PTER: variants seen among roughly 807,000 people sequenced by gnomAD.
The protein encoded by PTER is phosphotriesterase related.
PTER carries 38 observed loss-of-function variants against 29.6 expected under a neutral mutation model. The observed-to-expected ratio is 1.28, with a 90% confidence interval of 0.99 to 1.68. PTER has a LOEUF of 1.68. Ranked by LOEUF, PTER falls within the 40% of genes most tolerant of loss-of-function variation. PTER has a pLI of 0.00. For synonymous variants in PTER, 172 were observed against 154.5 expected (o/e 1.11, Z -0.84); for missense variants, 482 against 427.8 (o/e 1.13, Z -1.12).
intron 1 of PTER, among the ~76,000 whole-genome samples, chr10:16,465,975 A>T (rs1564392497): frequency 6.6e-6 from 1 of 151,804 alleles, no homozygotes; most frequent in Non-Finnish European, 1.5e-5. Context: ...TGCTCTAATC[A>T]CCTCCCATCT....
At chr10:16,469,601 C>G (rs1211846155) in intron 1 of PTER, among the ~76,000 whole-genome samples, 1 of 152,096 alleles carries the variant, frequency 6.6e-6, no homozygotes, top group Non-Finnish European at 1.5e-5. Flanking sequence ...TGGATGAAAT[C>G]TGAGTTCATT....
At chr10:16,508,218 G>A (rs1009023060) in intron 4 of PTER, among the ~76,000 whole-genome samples, 27 of 151,666 alleles carry the variant, frequency 1.8e-4, no homozygotes, top group African/African-American at 5.6e-4. Context: ...ACAGGCACCC[G>A]CCACCACGCC....
chr10:16,449,225 C>T (rs375759918), intron 1 of PTER, among the ~76,000 whole-genome samples: 1 of 152,250 alleles, frequency 6.6e-6, no homozygotes, highest in South Asian at 2.1e-4. Context: ...TAGTAGCCCT[C>T]ACTCTACCAT....
At position 16,509,739 on chromosome 10, in the gene PTER, T is replaced by C. The variant is rs1208070573; in HGVS notation, c.840-1307T>C. Among the ~76,000 whole-genome samples the C allele has an allele frequency of 3.9e-5, 6 of 152,296 alleles. No homozygotes were observed. The East Asian group carries it at 9.6e-4, about 24-fold the overall frequency. On this transcript the variant is annotated intron_variant, in intron 4 of 4. Transcript: ENST00000535784. ...ACTGCAGATCAGAACTTCAGGATAGTATACAAATTTCAATGAGGCAAAAAA... is the reference window on the plus strand; with the variant it reads ...ACTGCAGATCAGAACTTCAGGATAGCATACAAATTTCAATGAGGCAAAAAA...
At chr10:16,480,146 A>G (rs1835423519) in intron 1 of PTER, among the ~76,000 whole-genome samples, 1 of 150,368 alleles carries the variant, frequency 6.7e-6, no homozygotes, top group Admixed American at 6.6e-5. Flanking sequence ...GGGAAAGTCA[A>G]CTGAAAACTG....
At chr10:16,468,373 TC>T (rs930632233) in intron 1 of PTER, among the ~76,000 whole-genome samples, 3 of 92,682 alleles carry the variant, frequency 3.2e-5, no homozygotes, top group African/African-American at 1.1e-4. Flanking sequence ...AATGTTTAGC[TC>T]TTTTTTTTTT....
intron 3 of PTER, among the ~76,000 whole-genome samples, chr10:16,495,926 T>C (rs1457560565): frequency 1.3e-5 from 2 of 152,192 alleles, no homozygotes; most frequent in Non-Finnish European, 2.9e-5. Flanking sequence ...GCCTGCTCCT[T>C]GTTCTTGTTA....
intron 1 of PTER, among the ~76,000 whole-genome samples, chr10:16,482,235 G>T (rs1835506797): frequency 1.3e-5 from 2 of 152,136 alleles, no homozygotes; most frequent in African/African-American, 4.8e-5. Flanking sequence ...TAATTGCAGT[G>T]GCTTGCTATA....
intron 1 of PTER, among the ~76,000 whole-genome samples, chr10:16,465,042 A>G (rs1443161500): frequency 6.6e-6 from 1 of 152,102 alleles, no homozygotes; most frequent in East Asian, 1.9e-4. Flanking sequence ...CATGAGAAAG[A>G]CCCACCCCCA....
intron 1 of PTER, among the ~76,000 whole-genome samples, chr10:16,439,864 A>C (rs1265988890): frequency 2.0e-5 from 3 of 152,162 alleles, no homozygotes; most frequent in Non-Finnish European, 4.4e-5. Flanking sequence ...CAGCCAGCCA[A>C]CTTCAAATCT....
rs199577499 is a variant in PTER at position 16,477,298 on chromosome 10, A to AGATAGATAGATG, written c.-48-7036_-48-7035insAGATAGATGGAT. On this transcript the variant is annotated intron_variant, in intron 1 of 4. Coordinates refer to ENST00000535784, the MANE Select transcript of PTER (RefSeq NM_001261836.2). ...TAGATAGATAGATAGATAGATAGAT[A>AGATAGATAGATG]GATGGATGTCTGTCTGTCTGCACAT... Among the ~76,000 whole-genome samples the AGATAGATAGATG allele has an allele frequency of 2.4e-3, 328 of 138,754 alleles. 6 individuals are homozygous for AGATAGATAGATG. The highest frequency in any genetic ancestry group is 0.016 in the Admixed American group (230 of 14,518). The allele number at this position is 138,754 out of a possible 152,430, so 91.0% of individuals were successfully genotyped here.
Position 16,513,158 on chromosome 10 carries a change from CTT to C in PTER, c.*1903_*1904del. The C allele has an allele frequency of 6.6e-6, 1 of 152,158 alleles. No homozygotes were observed. The highest frequency in any genetic ancestry group is 1.5e-5 in the Non-Finnish European group (1 of 67,984). 9.4% of individuals were successfully genotyped at this position (152,158 alleles called of 1,614,324 possible). ...GGTAATAGAGCAACCATAGCCTTAA[CTT>C]ACAGACCTGTGAAATAAAGGGCATT... On this transcript the variant is annotated 3_prime_UTR_variant, in exon 5 of 5. Transcript: ENST00000535784.
intron 1 of PTER, among the ~76,000 whole-genome samples, chr10:16,465,915 A>G (rs988265548): frequency 7.2e-5 from 11 of 152,060 alleles, no homozygotes; most frequent in African/African-American, 2.7e-4. Context: ...ATAAGATCTC[A>G]TGAGAACCCA....
intron 1 of PTER, among the ~76,000 whole-genome samples, chr10:16,440,024 T>C (rs1833790015): frequency 6.6e-6 from 1 of 152,120 alleles, no homozygotes; most frequent in Admixed American, 6.6e-5. Context: ...TCTTTAGCTG[T>C]TGTTTCTAGT....
At chr10:16,457,245 C>T (rs1834436718) in intron 1 of PTER, among the ~76,000 whole-genome samples, 2 of 152,094 alleles carry the variant, frequency 1.3e-5, no homozygotes, top group Non-Finnish European at 2.9e-5. Flanking sequence ...TGGAGTCTCA[C>T]TCTGTTGCCC....
At chr10:16,491,132 G>A (rs1328238297) in intron 3 of PTER, among the ~76,000 whole-genome samples, 1 of 152,014 alleles carries the variant, frequency 6.6e-6, no homozygotes, top group Non-Finnish European at 1.5e-5. Context: ...GACAAACTCA[G>A]AACATTCTAG....
At chr10:16,509,124 T>C (rs1011799691) in intron 4 of PTER, among the ~76,000 whole-genome samples, 1 of 152,200 alleles carries the variant, frequency 6.6e-6, no homozygotes, top group Non-Finnish European at 1.5e-5. Context: ...TGATTTTTTG[T>C]CTTCTCGTCT....
intron 1 of PTER, among the ~76,000 whole-genome samples, chr10:16,466,710 C>T (rs548736445): frequency 6.6e-6 from 1 of 152,188 alleles, no homozygotes; most frequent in Non-Finnish European, 1.5e-5. Context: ...CAAGACTTTT[C>T]TTGGAGAGTC....
At chr10:16,443,207 C>G (rs970680664) in intron 1 of PTER, among the ~76,000 whole-genome samples, 2 of 152,176 alleles carry the variant, frequency 1.3e-5, no homozygotes, top group Non-Finnish European at 2.9e-5. Flanking sequence ...TCTGAGGTCT[C>G]TCTCTTTGGC....
Sources: gnomAD v4.1 joint callset for allele counts (sites outside exome capture counted in the v4.1 genomes callset) on GRCh38, gnomAD v4.1.1 for gene constraint, MANE v1.5 for transcripts, NCBI Gene and HGNC (gene_info 2026-07-23, HGNC 2026-07-21) for gene names.